FCHO2: variants seen among roughly 807,000 people sequenced by gnomAD.
FCHO2 encodes FCH and mu domain containing endocytic adaptor 2, also known as F-BAR domain only protein 2.
FCHO2 carries 43 observed loss-of-function variants against 114.1 expected under a neutral mutation model. The ratio of observed to expected loss-of-function variants is 0.38; its 90% CI spans 0.30 to 0.49. The LOEUF (loss-of-function observed/expected upper bound fraction) is 0.49, where lower values mean the gene tolerates loss of function less well. Ranked by LOEUF, FCHO2 falls within the 20% of genes least tolerant of loss-of-function variation. The pLI is 0.97. For missense variants in FCHO2, 807 were observed against 950.4 expected (o/e 0.85, Z 1.98); for synonymous variants, 293 against 315.2 (o/e 0.93, Z 0.75).
At chr5:73,085,612 T>G (rs1022851380) in intron 24 of FCHO2, among the ~76,000 whole-genome samples, 1 of 149,942 alleles carries the variant, frequency 6.7e-6, no homozygotes, top group Non-Finnish European at 1.5e-5. Flanking sequence ...CTGCCTCTAC[T>G]AAAAATACAA....
At chr5:73,008,217 G>A (rs1424345136) in intron 6 of FCHO2, among the ~76,000 whole-genome samples, 1 of 152,182 alleles carries the variant, frequency 6.6e-6, no homozygotes, top group African/African-American at 2.4e-5. Flanking sequence ...GCAGGGATGT[G>A]ACATGATCTG....
intron 15 of FCHO2, among the ~76,000 whole-genome samples, chr5:73,055,710 C>A (rs1186484195): frequency 6.6e-6 from 1 of 152,120 alleles, no homozygotes; most frequent in Admixed American, 6.5e-5. Flanking sequence ...AAAATGCATT[C>A]ATGATTCATC....
rs201112031 is a variant in FCHO2 at position 73,043,536 on chromosome 5, GATAA to G, written c.939+2225_939+2228del. ...CAAGATTCATGCATATATAGAAAGT[GATAA>G]ATAGATATTTATTTCAACATTGTTT... On this transcript the variant is annotated intron_variant, in intron 11 of 25. Transcript: ENST00000430046. Among the ~76,000 whole-genome samples the G allele has an allele frequency of 7.9e-5, 12 of 151,632 alleles. No individual in the cohort carries two copies. The East Asian group carries it at 1.2e-3, about 15-fold the overall frequency.
intron 2 of FCHO2, among the ~76,000 whole-genome samples, chr5:72,969,517 G>A (rs1304017166): frequency 6.6e-6 from 1 of 152,192 alleles, no homozygotes. Context: ...TCATTGGCAG[G>A]AGCAAAGGAA....
intron 10 of FCHO2, chr5:73,038,065 A>G: frequency 6.5e-6 from 1 of 154,100 alleles, no homozygotes. Context: ...GGCCTGATTT[A>G]CCTTCTTTTA....
At chr5:73,031,079 C>T (rs1756215247) in intron 8 of FCHO2, among the ~76,000 whole-genome samples, 1 of 152,014 alleles carries the variant, frequency 6.6e-6, no homozygotes, top group South Asian at 2.1e-4. Flanking sequence ...CCTCTATACC[C>T]TGTGCATATC....
At chr5:73,081,572 C>A (rs1414162999) in intron 22 of FCHO2, among the ~76,000 whole-genome samples, 4 of 152,152 alleles carry the variant, frequency 2.6e-5, no homozygotes, top group Non-Finnish European at 5.9e-5. Flanking sequence ...TAAACAAGCA[C>A]CACAGCAATT....
At chr5:72,995,195 A>C (rs1340290992) in intron 5 of FCHO2, among the ~76,000 whole-genome samples, 2 of 152,120 alleles carry the variant, frequency 1.3e-5, no homozygotes, top group Non-Finnish European at 2.9e-5. Flanking sequence ...ATACATATAA[A>C]TGTCTTGGAC....
intron 2 of FCHO2, among the ~76,000 whole-genome samples, chr5:72,976,669 A>T (rs1478380963): frequency 6.6e-6 from 1 of 152,042 alleles, no homozygotes; most frequent in Admixed American, 6.6e-5. Flanking sequence ...ATAGGTGCGA[A>T]CGTGCAGGGT....
At chr5:73,072,246 T>C (rs542059741) in intron 19 of FCHO2, among the ~76,000 whole-genome samples, 5 of 152,120 alleles carry the variant, frequency 3.3e-5, no homozygotes, top group Non-Finnish European at 5.9e-5. Flanking sequence ...TAAAATAGTA[T>C]TACAATAACA....
intron 16 of FCHO2, 120 bp downstream of exon 16, chr5:73,056,227 T>G: frequency 1.5e-6 from 1 of 688,586 alleles, no homozygotes; most frequent in Non-Finnish European, 2.4e-6. Context: ...TGCCCCTTCA[T>G]ATGCCCAGTC....
At chr5:73,043,256 C>T (rs1267085900) in intron 11 of FCHO2, among the ~76,000 whole-genome samples, 1 of 152,100 alleles carries the variant, frequency 6.6e-6, no homozygotes, top group Non-Finnish European at 1.5e-5. Flanking sequence ...TATGCTCATA[C>T]TGTTGGTAGG....
chr5:73,049,121 C>G (rs1394924955), intron 11 of FCHO2, among the ~76,000 whole-genome samples: 1 of 151,926 alleles, frequency 6.6e-6, no homozygotes, highest in African/African-American at 2.4e-5. Flanking sequence ...CGTGATCCGC[C>G]CGCCTCGGCC....
Position 72,990,471 on chromosome 5 carries a change from T to G in FCHO2, c.201-7T>G. 6.7e-7 allele frequency: 1 copy of G among 1,497,442 alleles called. No individual in the cohort carries two copies. Among genetic ancestry groups the G allele is most frequent in the Non-Finnish European group, 8.9e-7 (1 of 1,128,022 alleles). 92.8% of individuals were successfully genotyped at this position (1,497,442 alleles called of 1,614,324 possible). A position where few individuals can be genotyped will look rare whatever the true frequency, so the allele number is the denominator to read the frequency against. ...ATAAGTTATTCCCATATTTTTTATTTTCTTAGAACATTTGCACCAGTATGG... is the reference window on the plus strand; with the variant it reads ...ATAAGTTATTCCCATATTTTTTATTGTCTTAGAACATTTGCACCAGTATGG... On this transcript the variant is annotated splice_region_variant and splice_polypyrimidine_tract_variant and intron_variant, in intron 3 of 25. Transcript: ENST00000430046.
chr5:73,067,572 A>G (rs1483618137), intron 18 of FCHO2, among the ~76,000 whole-genome samples: 1 of 152,050 alleles, frequency 6.6e-6, no homozygotes, highest in East Asian at 1.9e-4. Context: ...GTTTATATTC[A>G]TGCAATGAAG....
intron 8 of FCHO2, among the ~76,000 whole-genome samples, chr5:73,019,058 GAAGACCTGTAATGCCACCTT>G (rs1755467876): frequency 6.6e-6 from 1 of 152,146 alleles, no homozygotes; most frequent in Non-Finnish European, 1.5e-5. Context: ...TGGCTTGTTC[GAAGACCTGTAATGCCACCTT>G]AGGTTGTGCT....
chr5:72,989,496 A>G lies in FCHO2; in HGVS notation c.195A>G (p.Gln65=), dbSNP rs578172606. ...KLAKSASNYS[Q]LGTFAPVWDV... The stretch of plus-strand genomic sequence containing the variant: ...CAAAATCTGCAAGCAATTATTCACA[A>G]CTTGGGTGAGTTAATTTCTTCCTCT... Residue 65 remains glutamine (Q), a synonymous_variant, in exon 3 of 26, where the codon CAA becomes CAG. Coordinates refer to ENST00000430046, the MANE Select transcript of FCHO2 (RefSeq NM_138782.3). 2 of 1,599,588 alleles carry G rather than the reference A, an allele frequency of 1.3e-6. No homozygotes were observed. Among genetic ancestry groups the G allele is most frequent in the Middle Eastern group, 1.7e-4 (1 of 6,040 alleles).
chr5:72,980,561 C>G (rs537134170), intron 2 of FCHO2, among the ~76,000 whole-genome samples: 3 of 152,052 alleles, frequency 2.0e-5, no homozygotes, highest in African/African-American at 7.2e-5. Context: ...AAGTCTCCCA[C>G]TATTATTGTG....
intron 7 of FCHO2, among the ~76,000 whole-genome samples, chr5:73,016,775 T>C (rs1009614707): frequency 1.3e-5 from 2 of 152,174 alleles, no homozygotes; most frequent in Admixed American, 1.3e-4. Context: ...TGCATGCCTA[T>C]AGTCCCAGCT....
Sources: allele counts gnomAD v4.1 joint callset (sites outside exome capture counted in the v4.1 genomes callset), GRCh38; gene constraint gnomAD v4.1.1; transcripts MANE v1.5; gene names NCBI Gene and HGNC (gene_info 2026-07-23, HGNC 2026-07-21).